The following CYFIP1 variants were observed in gnomAD, a reference collection of about 807,000 sequenced individuals.
The protein encoded by CYFIP1 is cytoplasmic FMR1-interacting protein 1.
In CYFIP1, 58 loss-of-function variants were observed where a neutral mutation model predicts 163.5. The ratio of observed to expected loss-of-function variants is 0.35; its 90% CI spans 0.29 to 0.44. CYFIP1 has a LOEUF of 0.44. Among genes scored for constraint, CYFIP1 ranks in the 20% least tolerant of loss-of-function variants. The probability of loss-of-function intolerance (pLI) is 1.00; values close to 1 mark genes in which losing one functional copy is unlikely to be tolerated. For missense variants in CYFIP1, 1,338 were observed against 1,653.8 expected (o/e 0.81, Z 3.31); for synonymous variants, 663 against 660.7 (o/e 1.00, Z -0.05).
At chr15:22,871,309 T>G (rs747618728) in intron 30 of CYFIP1, among the ~76,000 whole-genome samples, 3 of 151,968 alleles carry the variant, frequency 2.0e-5, no homozygotes, top group Non-Finnish European at 4.4e-5. Flanking sequence ...GATAAAGAAA[T>G]AAGAGATGGA....
Position 22,882,029 on chromosome 15 carries a change from A to G in CYFIP1, c.2821-93T>C, listed in dbSNP as rs769459757. 3.1e-4 allele frequency: 334 copies of G among 1,088,626 alleles called. 1 individual carries two copies. The highest frequency in any genetic ancestry group is 8.5e-5 in the Non-Finnish European group (63 of 741,308). 67.4% of individuals were successfully genotyped at this position (1,088,626 alleles called of 1,614,324 possible). A position where few individuals can be genotyped will look rare whatever the true frequency, so the allele number is the denominator to read the frequency against. On this transcript the variant is annotated intron_variant, in intron 24 of 30. Coordinates refer to ENST00000617928, the MANE Select transcript of CYFIP1 (RefSeq NM_014608.6). ...CATACCCTGAAACAAGTCTGTTAGC[A>G]AAGAGCTCGGTAACCAGCAAGGCTG... is the stretch of plus-strand genomic sequence containing the variant.
chr15:22,970,274 A>G (rs534943982), intron 1 of CYFIP1, among the ~76,000 whole-genome samples: 21 of 152,318 alleles, frequency 1.4e-4, no homozygotes, highest in Admixed American at 1.1e-3. Flanking sequence ...TAAAAAATAT[A>G]AAACACTGCT....
At chr15:22,961,741 C>G (rs574101361) in intron 1 of CYFIP1, among the ~76,000 whole-genome samples, 1 of 152,106 alleles carries the variant, frequency 6.6e-6, no homozygotes, top group South Asian at 2.1e-4. Flanking sequence ...TTTTTAAAAT[C>G]CTTGGAATCT....
At chr15:22,873,448 T>TC (rs778872818) in intron 29 of CYFIP1, 43 bp downstream of exon 29, 1 of 1,526,768 alleles carries the variant, frequency 6.5e-7, no homozygotes, top group Non-Finnish European at 9.0e-7. Context: ...CCACAGCTCC[T>TC]CCCCTCCTCT....
chr15:22,957,433 A>G lies in CYFIP1; in HGVS notation c.-6-10142T>C, dbSNP rs185445221. 3.9e-3 allele frequency among the ~76,000 whole-genome samples: 593 copies of G among 151,784 alleles called. 4 individuals carry two copies. Among genetic ancestry groups the G allele is most frequent in the East Asian group, 0.025 (130 of 5,170 alleles). Reference sequence around the variant, plus strand: ...AGGTGGATCACGAGGTCAGGAGATCAAGACCATCCTAGCTAACACGGTGAA... The same window carrying G: ...AGGTGGATCACGAGGTCAGGAGATCGAGACCATCCTAGCTAACACGGTGAA... On this transcript the variant is annotated intron_variant, in intron 1 of 30. Transcript: ENST00000617928.
rs1272953312 is a variant in CYFIP1 at position 22,980,367 on chromosome 15, A to T, written c.-87T>A. On this transcript the variant is annotated 5_prime_UTR_variant, in exon 1 of 31. Coordinates refer to ENST00000617928, the MANE Select transcript of CYFIP1 (RefSeq NM_014608.6). ...AGTGAGTCACTCGGGCTGGCCGGGA[A>T]TGCGCCAGGAAACACTCGGCCTCCT... 6.6e-6 allele frequency: 1 copy of T among 151,312 alleles called. No individual in the cohort carries two copies. Among genetic ancestry groups the T allele is most frequent in the African/African-American group, 2.4e-5 (1 of 41,254 alleles). 9.4% of individuals were successfully genotyped at this position (151,312 alleles called of 1,614,324 possible).
chr15:22,917,849 T>C lies in CYFIP1; in HGVS notation c.1613A>G (p.Asp538Gly), dbSNP rs779827638. 1.0e-4 allele frequency: 161 copies of C among 1,613,662 alleles called. 1 individual carries two copies. Among genetic ancestry groups the C allele is most frequent in the Non-Finnish European group, 1.3e-4 (154 of 1,179,924 alleles). Residue 538 changes from aspartate to glycine, a missense_variant, in exon 15 of 31, where the codon GAC becomes GGC. By Grantham distance (94) the Asp-to-Gly change is moderately conservative. Coordinates refer to ENST00000617928, the MANE Select transcript of CYFIP1 (RefSeq NM_014608.6). The surrounding 1 kb of genome is among the most constrained non-coding windows in gnomAD (Gnocchi z 4.2). ...TTTTATGTCGAAGCCGCTCTTGGGG[T>C]CCTTCTCGCCCCGCAAGGCTGGGTC... ...FNDPALRGEK[D>G]PKSGFDIKVP...
intron 13 of CYFIP1, among the ~76,000 whole-genome samples, chr15:22,920,797 C>T (rs543748507): frequency 3.3e-5 from 5 of 152,132 alleles, no homozygotes; most frequent in Non-Finnish European, 7.3e-5. Context: ...TTTCAGCATG[C>T]TTACTTTGGA....
At chr15:22,900,931 G>A (rs117663106) in intron 22 of CYFIP1, among the ~76,000 whole-genome samples, 5,607 of 151,992 alleles carry the variant, frequency 0.037, 186 homozygotes, top group East Asian at 0.14. Context: ...AGCTGGGCAC[G>A]GTGGCTCATA....
At chr15:22,951,671 C>T (rs1321568422) in intron 1 of CYFIP1, among the ~76,000 whole-genome samples, 2 of 152,224 alleles carry the variant, frequency 1.3e-5, no homozygotes, top group African/African-American at 4.8e-5. Context: ...TCGGACCGAG[C>T]ACCCTGGGAA....
chr15:22,963,556 TAAGA>T (rs71859354), intron 1 of CYFIP1, among the ~76,000 whole-genome samples: 9,824 of 124,790 alleles, frequency 0.079, 466 homozygotes, highest in Non-Finnish European at 0.096. Flanking sequence ...TAACATAACA[TAAGA>T]AAGAATGAAA....
chr15:22,975,543 C>G (rs997558630), intron 1 of CYFIP1, among the ~76,000 whole-genome samples: 4 of 151,738 alleles, frequency 2.6e-5, no homozygotes, highest in Non-Finnish European at 1.5e-5. Flanking sequence ...GGCAGATCAC[C>G]TGAGGTCAGG....
chr15:22,908,485 T>TG (rs2060658360), intron 21 of CYFIP1, among the ~76,000 whole-genome samples: 1 of 150,360 alleles, frequency 6.7e-6, no homozygotes, highest in African/African-American at 2.5e-5. Flanking sequence ...GGAAGACCCT[T>TG]GTGGGCTCTC....
At chr15:22,971,277 A>C (rs2063085488) in intron 1 of CYFIP1, among the ~76,000 whole-genome samples, 1 of 152,184 alleles carries the variant, frequency 6.6e-6, no homozygotes, top group South Asian at 2.1e-4. Flanking sequence ...TGTTGCTCAC[A>C]TCTGTAATCC....
chr15:22,952,659 C>CA (rs3083512), intron 1 of CYFIP1, among the ~76,000 whole-genome samples: 538 of 45,686 alleles, frequency 0.012, 39 homozygotes, highest in African/African-American at 0.049. Flanking sequence ...GACTCCATCT[C>CA]AAAAAAAAAA....
rs1038565068 is a variant in CYFIP1 at position 22,921,354 on chromosome 15, C to T, written c.1360-2496G>A. On this transcript the variant is annotated intron_variant, in intron 13 of 30. Coordinates refer to ENST00000617928, the MANE Select transcript of CYFIP1 (RefSeq NM_014608.6). Reference sequence around the variant, plus strand: ...CTACACTCCAGCCTAGGTGACACAGCGAGACTCTGTCTCAAAAATAAATAA... The same window carrying T: ...CTACACTCCAGCCTAGGTGACACAGTGAGACTCTGTCTCAAAAATAAATAA... Among the ~76,000 whole-genome samples, 120 of 149,508 alleles carry T rather than the reference C, an allele frequency of 8.0e-4. 1 individual carries two copies. The highest frequency in any genetic ancestry group is 2.5e-3 in the African/African-American group (102 of 40,110).
intron 1 of CYFIP1, among the ~76,000 whole-genome samples, chr15:22,973,524 C>G (rs2063170525): frequency 6.6e-6 from 1 of 152,054 alleles, no homozygotes; most frequent in African/African-American, 2.4e-5. Flanking sequence ...CAACATCTTC[C>G]TCTCTCCCCT....
rs2059349909 is a variant in CYFIP1, at chr15:22,869,276, T to TGCCTGC, written c.*746_*751dup. ...CAACACGGCCGTTTTACACCTCATTTGCCTGCGGAACCCTAAATATAAAGC... is the reference window on the plus strand; with the variant it reads ...CAACACGGCCGTTTTACACCTCATTTGCCTGCGCCTGCGGAACCCTAAATATAAAGC... On this transcript the variant is annotated 3_prime_UTR_variant, in exon 31 of 31. Transcript: ENST00000617928. 6.6e-6 allele frequency: 1 copy of TGCCTGC among 151,762 alleles called. No homozygotes were observed. The highest frequency in any genetic ancestry group is 1.5e-5 in the Non-Finnish European group (1 of 68,066). The allele number at this position is 151,762 out of a possible 1,614,324, so 9.4% of individuals were successfully genotyped here.
chr15:22,893,795 C>A (rs749357063), intron 22 of CYFIP1, among the ~76,000 whole-genome samples: 1 of 152,146 alleles, frequency 6.6e-6, no homozygotes, highest in Non-Finnish European at 1.5e-5. Flanking sequence ...TGCCAATATC[C>A]CTGGGTGCCA....
Sources: gnomAD v4.1 joint callset for allele counts (sites outside exome capture counted in the v4.1 genomes callset) on GRCh38, gnomAD v4.1.1 for gene constraint, Gnocchi (gnomAD v3.1) non-coding constraint, MANE v1.5 for transcripts, NCBI Gene and HGNC (gene_info 2026-07-23, HGNC 2026-07-21) for gene names.